Variants in LINS1 observed in about 807,000 individuals in gnomAD.
LINS1 encodes protein Lines homolog 1.
In LINS1, 27 loss-of-function variants were observed where a neutral mutation model predicts 41.6. That is an observed-to-expected ratio of 0.65 (90% CI 0.48 to 0.89). LINS1 has a LOEUF of 0.89. Among genes scored for constraint, LINS1 ranks in the 40% least tolerant of loss-of-function variants. LINS1 has a pLI of 0.00. For synonymous variants in LINS1, 336 were observed against 312.9 expected, an observed-to-expected ratio of 1.07 and a Z score of -0.78; for missense variants, 955 against 884.1, an observed-to-expected ratio of 1.08 and a Z score of -1.02.
chr15:100,575,045 G>C lies in LINS1; in HGVS notation c.573C>G (p.Leu191=). The part of the protein sequence containing the change: ...YSESNKAIYC[L]WTLTAIIKEI... ...CTTTTATTATTGCTGTAAGAGTCCA[G>C]AGGCAGTATATTGCTTTATTACTCT... The change falls in exon 4 of 7, where the codon CTC becomes CTG. Residue 191 remains leucine, a synonymous_variant. Transcript: ENST00000314742. 1 of 1,612,848 alleles carries C rather than the reference G, an allele frequency of 6.2e-7. No homozygotes were observed. The highest frequency in any genetic ancestry group is 8.5e-7 in the Non-Finnish European group (1 of 1,179,466).
rs1314668577 is a variant in LINS1 at position 100,568,362 on chromosome 15, T to C, written c.*876A>G. 1 of 152,244 alleles carries C rather than the reference T, an allele frequency of 6.6e-6. No homozygotes were observed. Among genetic ancestry groups the C allele is most frequent in the Non-Finnish European group, 1.5e-5 (1 of 68,058 alleles). The allele number at this position is 152,244 out of a possible 1,614,324, so 9.4% of individuals were successfully genotyped here. On this transcript the variant is annotated 3_prime_UTR_variant, in exon 7 of 7. Transcript: ENST00000314742. ...TATCTGGGATTAGGGTCTTTGCAGC[T>C]GTCATCAAGTTGAGATCATACTGGA...
rs2037604963 is a variant in LINS1, at chr15:100,567,667, T to A, written c.*1571A>T. On this transcript the variant is annotated 3_prime_UTR_variant, in exon 7 of 7. Coordinates refer to ENST00000314742, the MANE Select transcript of LINS1 (RefSeq NM_001040616.3). ...TAGTAAAACTCTAAAACCTTAACAT[T>A]TTTTACAAACTATGTGGCATCCTTG... The A allele has an allele frequency of 6.6e-6, 1 of 152,224 alleles. No individual in the cohort carries two copies. The highest frequency in any genetic ancestry group is 1.5e-5 in the Non-Finnish European group (1 of 68,046). 9.4% of individuals were successfully genotyped at this position (152,224 alleles called of 1,614,324 possible). A position where few individuals can be genotyped will look rare whatever the true frequency, so the allele number is the denominator to read the frequency against.
At chr15:100,579,171 T>C (rs1225726418) in intron 3 of LINS1, among the ~76,000 whole-genome samples, 4 of 151,406 alleles carry the variant, frequency 2.6e-5, no homozygotes, top group South Asian at 2.1e-4. Context: ...ACTTAAAGTA[T>C]AATAAAAATA....
chr15:100,598,016 G>A (rs1168749900), intron 1 of LINS1, among the ~76,000 whole-genome samples: 2 of 152,206 alleles, frequency 1.3e-5, no homozygotes, highest in Non-Finnish European at 2.9e-5. Context: ...CAGCCTCTGG[G>A]CCTTGATACA....
At chr15:100,582,052 A>T (rs1416871908) in intron 1 of LINS1, among the ~76,000 whole-genome samples, 1 of 152,242 alleles carries the variant, frequency 6.6e-6, no homozygotes, top group African/African-American at 2.4e-5. Flanking sequence ...CCCATCTTCA[A>T]CTTCCAAAAG....
intron 1 of LINS1, among the ~76,000 whole-genome samples, chr15:100,581,399 C>T (rs2038535733): frequency 6.6e-6 from 1 of 152,160 alleles, no homozygotes; most frequent in South Asian, 2.1e-4. Context: ...TGTCAAATGT[C>T]CCCTGGGGGA....
chr15:100,569,516 TC>T lies in LINS1; in HGVS notation c.1995del (p.Thr666GlnfsTer19). The T allele has an allele frequency of 6.2e-7, 1 of 1,614,212 alleles. No individual in the cohort carries two copies. The highest frequency in any genetic ancestry group is 8.5e-7 in the Non-Finnish European group (1 of 1,180,030). ...QATKEIQDAA[G>X]TSRDKKEFSL... is the part of the protein sequence containing the mutation. Reference sequence around the variant, plus strand: ...CTAAATTCTTTTTTATCCCTGCTTGTCCCAGCTGCATCCTGAATCTCCTTAG... The same window carrying T: ...CTAAATTCTTTTTTATCCCTGCTTGTCCAGCTGCATCCTGAATCTCCTTAG... On this transcript the variant is annotated frameshift_variant, in exon 7 of 7. Coordinates refer to ENST00000314742, the MANE Select transcript of LINS1 (RefSeq NM_001040616.3). LOFTEE classifies it low-confidence loss of function (END_TRUNC).
chr15:100,580,738 T>A lies in LINS1; in HGVS notation c.105A>T (p.Ala35=). 6.2e-7 allele frequency: 1 copy of A among 1,610,844 alleles called. No individual in the cohort carries two copies. Among genetic ancestry groups the A allele is most frequent in the East Asian group, 2.2e-5 (1 of 44,808 alleles). ...CTGTAGAACAATCTTGATCTGAAAC[T>A]GCTGGGTTGAGATAAAAGATGTAAT... ...SHDYIFYLNP[A]VSDQDCSTAT... Residue 35 remains alanine (A), a synonymous_variant, in exon 2 of 7, where the codon GCA becomes GCT. Coordinates refer to ENST00000314742, the MANE Select transcript of LINS1 (RefSeq NM_001040616.3).
At chr15:100,592,758 A>C (rs2039092685) in intron 1 of LINS1, among the ~76,000 whole-genome samples, 1 of 152,208 alleles carries the variant, frequency 6.6e-6, no homozygotes, top group African/African-American at 2.4e-5. Flanking sequence ...TCTTAGATGG[A>C]AATCAAAAAA....
chr15:100,577,983 G>C (rs1459364687), intron 3 of LINS1, among the ~76,000 whole-genome samples: 1 of 152,174 alleles, frequency 6.6e-6, no homozygotes, highest in East Asian at 1.9e-4. Flanking sequence ...GTAGAAAGCT[G>C]AAACTGGATC....
intron 5 of LINS1, chr15:100,573,085 A>G (rs2037926877): frequency 6.5e-6 from 1 of 153,926 alleles, no homozygotes; most frequent in African/African-American, 2.4e-5. Context: ...AGTGGGAGTG[A>G]ACATATTTTT....
chr15:100,587,157 T>TA lies in LINS1; in HGVS notation c.-103-6213dup, dbSNP rs56781451. Among the ~76,000 whole-genome samples the TA allele has an allele frequency of 1.9e-3, 133 of 68,270 alleles. 2 individuals are homozygous for TA. Among genetic ancestry groups the TA allele is most frequent in the East Asian group, 0.014 (31 of 2,186 alleles). The allele number at this position is 68,270 out of a possible 152,430, so 44.8% of individuals were successfully genotyped here. ...CTGGCAATAGAGGGAGACTCTGTCTTAAAAAAAAAAAAAAAAAAAAAAAAA... is the reference window on the plus strand; with the variant it reads ...CTGGCAATAGAGGGAGACTCTGTCTTAAAAAAAAAAAAAAAAAAAAAAAAAA... On this transcript the variant is annotated intron_variant, in intron 1 of 6. Transcript: ENST00000314742.
At chr15:100,587,649 G>A (rs2038868818) in intron 1 of LINS1, among the ~76,000 whole-genome samples, 2 of 152,080 alleles carry the variant, frequency 1.3e-5, no homozygotes, top group South Asian at 2.1e-4. Context: ...TGTTTCCTAT[G>A]TGTTTTTAGA....
chr15:100,577,872 C>T (rs1320377108), intron 3 of LINS1, among the ~76,000 whole-genome samples: 2 of 152,148 alleles, frequency 1.3e-5, no homozygotes, highest in Non-Finnish European at 2.9e-5. Flanking sequence ...TAATGCCACA[C>T]ATCTACAACC....
At position 100,574,095 on chromosome 15, in the gene LINS1, T is replaced by C. The variant is rs1291611710; in HGVS notation, c.778A>G (p.Ile260Val). The C allele has an allele frequency of 2.5e-6, 4 of 1,614,170 alleles. No homozygotes were observed. The highest frequency in any genetic ancestry group is 1.7e-5 in the Admixed American group (1 of 60,028). Residue 260 changes from isoleucine to valine, a missense_variant, in exon 5 of 7, where the codon ATC becomes GTC. Physicochemically the swap from Ile to Val is conservative, Grantham distance 29. Coordinates refer to ENST00000314742, the MANE Select transcript of LINS1 (RefSeq NM_001040616.3). ...AACTTCAGGTGGATTCTGGAGGCGA[T>C]GAGAAGCTCAAGCAAATCCAGGAAA... ...MCFLDLLELL[I>V]ASRIHLKLHF...
chr15:100,575,034 G>GT lies in LINS1; in HGVS notation c.583dup (p.Thr195AsnfsTer9), dbSNP rs2038079545. ...TTTAAAGATTTCTTTTATTATTGCTGTAAGAGTCCAGAGGCAGTATATTGC... is the reference window on the plus strand; with the variant it reads ...TTTAAAGATTTCTTTTATTATTGCTGTTAAGAGTCCAGAGGCAGTATATTGC... On this transcript the variant is annotated frameshift_variant, in exon 4 of 7. Transcript: ENST00000314742. LOFTEE classifies it high-confidence loss of function. 6.2e-7 allele frequency: 1 copy of GT among 1,612,700 alleles called. No homozygotes were observed. The highest frequency in any genetic ancestry group is 1.1e-5 in the South Asian group (1 of 91,070).
rs2037609701 is a variant in LINS1, at chr15:100,567,799, A to G, written c.*1439T>C. 1 of 152,184 alleles carries G rather than the reference A, an allele frequency of 6.6e-6. No individual in the cohort carries two copies. Among genetic ancestry groups the G allele is most frequent in the African/African-American group, 2.4e-5 (1 of 41,450 alleles). The allele number at this position is 152,184 out of a possible 1,614,324, so 9.4% of individuals were successfully genotyped here. Reference sequence around the variant, plus strand: ...CAAACCTTTTGACCTTTGCATTGCTATTTGGCTAACACTGGTACTTCGCTG... The same window carrying G: ...CAAACCTTTTGACCTTTGCATTGCTGTTTGGCTAACACTGGTACTTCGCTG... On this transcript the variant is annotated 3_prime_UTR_variant, in exon 7 of 7. Transcript: ENST00000314742.
chr15:100,599,997 C>G (rs922536141), intron 1 of LINS1, among the ~76,000 whole-genome samples: 1 of 152,094 alleles, frequency 6.6e-6, no homozygotes, highest in Non-Finnish European at 1.5e-5. Flanking sequence ...ACCTGGGAGG[C>G]GGAGGTTGCA....
intron 2 of LINS1, 32 bp from the exon 3 acceptor site, chr15:100,580,384 T>C: frequency 6.2e-7 from 1 of 1,604,186 alleles, no homozygotes; most frequent in Non-Finnish European, 8.5e-7. Flanking sequence ...TAACCACTAT[T>C]GCTGAATGTT....
Sources: gnomAD v4.1 joint callset for allele counts (sites outside exome capture counted in the v4.1 genomes callset) on GRCh38, gnomAD v4.1.1 for gene constraint, MANE v1.5 for transcripts, NCBI Gene and HGNC (gene_info 2026-07-23, HGNC 2026-07-21) for gene names.